CSMD1: variants seen among roughly 807,000 people sequenced by gnomAD.
The protein encoded by CSMD1 is CUB and sushi domain-containing protein 1.
Under a neutral mutation model 417.5 loss-of-function variants are expected in CSMD1, and 213 were observed. The ratio of observed to expected loss-of-function variants is 0.51; its 90% CI spans 0.46 to 0.57. CSMD1 has a LOEUF of 0.57. Ranked by LOEUF, CSMD1 falls within the 20% of genes least tolerant of loss-of-function variation. CSMD1 has a pLI of 0.00. For missense variants in CSMD1, 6,923 were observed against 4,529.7 expected, an observed-to-expected ratio of 1.53 and a Z score of -15.17; for synonymous variants, 2,862 against 1,736.8, an observed-to-expected ratio of 1.65 and a Z score of -16.11.
At chr8:4,303,617 G>T (rs1259453276) in intron 3 of CSMD1, among the ~76,000 whole-genome samples, 2 of 151,792 alleles carry the variant, frequency 1.3e-5, no homozygotes, top group African/African-American at 4.8e-5. Flanking sequence ...TATGAAGAGA[G>T]TTCTACCAGA....
At chr8:3,874,510 C>T (rs1006876346) in intron 5 of CSMD1, among the ~76,000 whole-genome samples, 1 of 152,168 alleles carries the variant, frequency 6.6e-6, no homozygotes, top group Non-Finnish European at 1.5e-5. Context: ...CATTGAAACA[C>T]ATGCTGTCGG....
chr8:3,315,362 T>C (rs1805671026), intron 23 of CSMD1, among the ~76,000 whole-genome samples: 1 of 151,602 alleles, frequency 6.6e-6, no homozygotes, highest in African/African-American at 2.4e-5. Context: ...GTGTGATTAT[T>C]TCCTGAAATG....
At chr8:2,988,386 C>G (rs1340492426) in intron 54 of CSMD1, among the ~76,000 whole-genome samples, 2 of 152,080 alleles carry the variant, frequency 1.3e-5, no homozygotes, top group Admixed American at 1.3e-4. Context: ...TGTTTGCATG[C>G]AATACACAAA....
chr8:4,395,770 T>A (rs1279314153), intron 3 of CSMD1, among the ~76,000 whole-genome samples: 2 of 152,178 alleles, frequency 1.3e-5, no homozygotes, highest in East Asian at 3.9e-4. Flanking sequence ...AAAAAAATGC[T>A]AAGTGGAAGA....
intron 4 of CSMD1, among the ~76,000 whole-genome samples, chr8:4,028,008 C>T (rs1259861068): frequency 3.3e-5 from 5 of 152,028 alleles, no homozygotes; most frequent in African/African-American, 1.2e-4. Context: ...TAATTGAGAA[C>T]AGTCTGTGGA....
At chr8:3,468,545 T>G (rs1410730610) in intron 12 of CSMD1, among the ~76,000 whole-genome samples, 167 bp downstream of exon 12, 2 of 152,190 alleles carry the variant, frequency 1.3e-5, no homozygotes, top group East Asian at 3.8e-4. Context: ...AACATTCTCA[T>G]TCACGAAAGC....
At chr8:3,786,696 G>C (rs1014733988) in intron 5 of CSMD1, among the ~76,000 whole-genome samples, 2 of 152,144 alleles carry the variant, frequency 1.3e-5, no homozygotes, top group African/African-American at 4.8e-5. Flanking sequence ...CGAAAACCAT[G>C]TATTTCTCAC....
At chr8:4,104,952 C>T (rs1340837480) in intron 3 of CSMD1, among the ~76,000 whole-genome samples, 2 of 151,928 alleles carry the variant, frequency 1.3e-5, no homozygotes, top group East Asian at 1.9e-4. Context: ...TGCTTGCTCA[C>T]AGCCACTGCC....
At chr8:4,643,913 T>C (rs923719119) in intron 1 of CSMD1, among the ~76,000 whole-genome samples, 1 of 152,224 alleles carries the variant, frequency 6.6e-6, no homozygotes, top group Admixed American at 6.5e-5. Flanking sequence ...TTTGAAAGCC[T>C]GATGATTCTC....
intron 1 of CSMD1, among the ~76,000 whole-genome samples, chr8:4,839,106 C>T (rs1199526000): frequency 6.6e-6 from 1 of 152,090 alleles, no homozygotes; most frequent in Non-Finnish European, 1.5e-5. Flanking sequence ...GTCAGTTTCC[C>T]ACCTCAAACT....
At chr8:4,148,414 T>C (rs886524435) in intron 3 of CSMD1, among the ~76,000 whole-genome samples, 46 of 151,910 alleles carry the variant, frequency 3.0e-4, no homozygotes, top group African/African-American at 1.1e-3. Flanking sequence ...ATATACCTAA[T>C]GTTAAATGAT....
chr8:4,071,093 C>T (rs1799531285), intron 3 of CSMD1, among the ~76,000 whole-genome samples: 1 of 152,048 alleles, frequency 6.6e-6, no homozygotes, highest in Admixed American at 6.5e-5. Context: ...AGTTATCTTT[C>T]AGTTTACAGA....
chr8:3,257,448 T>C (rs1800738186), intron 26 of CSMD1, among the ~76,000 whole-genome samples: 1 of 152,168 alleles, frequency 6.6e-6, no homozygotes, highest in African/African-American at 2.4e-5. Context: ...GAGATAACAA[T>C]ACAAAATACA....
chr8:3,259,282 C>G (rs774317520), intron 26 of CSMD1, among the ~76,000 whole-genome samples: 2 of 152,144 alleles, frequency 1.3e-5, no homozygotes. Flanking sequence ...TTATGAGTTT[C>G]TTTGAAAACT....
At chr8:4,358,461 C>T (rs563122509) in intron 3 of CSMD1, among the ~76,000 whole-genome samples, 2 of 152,312 alleles carry the variant, frequency 1.3e-5, no homozygotes, top group South Asian at 4.1e-4. Context: ...CTGGGGGGAG[C>T]TGCCACTGGC....
chr8:4,814,196 T>TTGTGTG (rs35824182), intron 1 of CSMD1, among the ~76,000 whole-genome samples: 26 of 149,808 alleles, frequency 1.7e-4, no homozygotes, highest in Admixed American at 3.3e-4. Context: ...CAGAATGATT[T>TTGTGTG]TGTGTGTGTG....
At chr8:3,844,903 G>A (rs570635404) in intron 5 of CSMD1, among the ~76,000 whole-genome samples, 1 of 134,970 alleles carries the variant, frequency 7.4e-6, no homozygotes, top group African/African-American at 3.7e-5. Context: ...GTCAATATTT[G>A]TCTGTGCATT....
rs533054890 is a variant in CSMD1 at position 3,335,998 on chromosome 8, T to C, written c.3631+7296A>G. ...TAATTTACATGCAGAGGACGATGAGTAATCCTTAAGCCTAGAAAACATTTC... is the reference window on the plus strand; with the variant it reads ...TAATTTACATGCAGAGGACGATGAGCAATCCTTAAGCCTAGAAAACATTTC... On this transcript the variant is annotated intron_variant, in intron 23 of 69. Coordinates refer to ENST00000635120, the MANE Select transcript of CSMD1 (RefSeq NM_033225.6). Among the ~76,000 whole-genome samples, 4 of 152,210 alleles carry C rather than the reference T, an allele frequency of 2.6e-5. No individual in the cohort carries two copies. In the South Asian group the frequency reaches 8.3e-4, roughly 32 times the overall value.
At chr8:4,132,789 G>T (rs745425285) in intron 3 of CSMD1, among the ~76,000 whole-genome samples, 1 of 152,144 alleles carries the variant, frequency 6.6e-6, no homozygotes, top group Non-Finnish European at 1.5e-5. Context: ...GACACAAACT[G>T]TGTGTGAATG....
Sources: allele counts gnomAD v4.1 joint callset (sites outside exome capture counted in the v4.1 genomes callset), GRCh38; gene constraint gnomAD v4.1.1; transcripts MANE v1.5; gene names NCBI Gene and HGNC (gene_info 2026-07-23, HGNC 2026-07-21).